Variants in MYLK2 observed in about 807,000 individuals in gnomAD.
MYLK2 encodes the protein myosin light chain kinase 2, skeletal/cardiac muscle.
In MYLK2, 27 loss-of-function variants were observed where a neutral mutation model predicts 58.2. That is an observed-to-expected ratio of 0.46 (90% CI 0.34 to 0.64). MYLK2 has a LOEUF of 0.64. Among genes scored for constraint, MYLK2 ranks in the 30% least tolerant of loss-of-function variants. The probability of loss-of-function intolerance (pLI) is 0.01; values close to 1 mark genes in which losing one functional copy is unlikely to be tolerated. For missense variants in MYLK2, 676 were observed against 764.3 expected, an observed-to-expected ratio of 0.88 and a Z score of 1.36; for synonymous variants, 310 against 296.7, an observed-to-expected ratio of 1.04 and a Z score of -0.46.
intron 8 of MYLK2, chr20:31,827,277 G>A: frequency 1.0e-6 from 1 of 985,390 alleles, no homozygotes; most frequent in Non-Finnish European, 1.2e-6. Context: ...TGTTGCAATA[G>A]CACCTGCCTC....
At chr20:31,832,575 C>A (rs1421859276) in intron 12 of MYLK2, among the ~76,000 whole-genome samples, 2 of 152,210 alleles carry the variant, frequency 1.3e-5, no homozygotes, top group Non-Finnish European at 2.9e-5. Flanking sequence ...CCACTGCAAC[C>A]TCTGCCTCCC....
chr20:31,820,298 C>A lies in MYLK2; in HGVS notation c.225C>A (p.Gly75=). 2 of 1,613,550 alleles carry A rather than the reference C, an allele frequency of 1.2e-6. No homozygotes were observed. The highest frequency in any genetic ancestry group is 1.7e-6 in the Non-Finnish European group (2 of 1,179,934). ...TLAQPSTSSQ[G]PKGEGDRGGG... is the part of the protein sequence containing the mutation. Reference sequence around the variant, plus strand: ...CCCAACCCTCAACTAGCAGCCAAGGCCCCAAAGGAGAGGGTGACAGGGGCG... The same window carrying A: ...CCCAACCCTCAACTAGCAGCCAAGGACCCAAAGGAGAGGGTGACAGGGGCG... The change falls in exon 3 of 13, where the codon GGC becomes GGA. Residue 75 remains glycine, a synonymous_variant. Coordinates refer to ENST00000375985, the MANE Select transcript of MYLK2 (RefSeq NM_033118.4).
chr20:31,821,368 T>C, intron 3 of MYLK2, 71 bp from the exon 4 acceptor site: 1 of 1,591,118 alleles, frequency 6.3e-7, no homozygotes, highest in Non-Finnish European at 8.6e-7. Context: ...CTCTGCAGAT[T>C]GCATTGAGAC....
intron 5 of MYLK2, 65 bp from the exon 6 acceptor site, chr20:31,824,194 C>T: frequency 6.4e-7 from 1 of 1,572,064 alleles, no homozygotes; most frequent in Non-Finnish European, 8.6e-7. Context: ...AGGATCAGAG[C>T]AAAGGATGCC....
chr20:31,827,099 G>A lies in MYLK2; in HGVS notation c.1224+161G>A, dbSNP rs117794930. ...AAAGGGTTTATGGAATACTTACCAAGTGCCAGGAGCCGGGGGCACAGCAAA... is the reference window on the plus strand; with the variant it reads ...AAAGGGTTTATGGAATACTTACCAAATGCCAGGAGCCGGGGGCACAGCAAA... On this transcript the variant is annotated intron_variant, in intron 8 of 12. Coordinates refer to ENST00000375985, the MANE Select transcript of MYLK2 (RefSeq NM_033118.4). The A allele has an allele frequency of 3.5e-3, 3,454 of 981,504 alleles. 7 individuals carry two copies. The highest frequency in any genetic ancestry group is 0.01 in the Middle Eastern group (20 of 1,906). 60.8% of individuals were successfully genotyped at this position (981,504 alleles called of 1,614,324 possible).
intron 5 of MYLK2, 110 bp from the exon 6 acceptor site, chr20:31,824,149 G>A (rs2062266435): frequency 6.5e-7 from 1 of 1,539,266 alleles, no homozygotes; most frequent in South Asian, 1.2e-5. Context: ...TCACCAAAGG[G>A]GATCCAGAGG....
In MYLK2 at chr20:31,826,704, T is replaced by A; in HGVS notation, c.1072T>A (p.Phe358Ile). 6.2e-7 allele frequency: 1 copy of A among 1,613,870 alleles called. No homozygotes were observed. Among genetic ancestry groups the A allele is most frequent in the Non-Finnish European group, 8.5e-7 (1 of 1,179,954 alleles). Residue 358 changes from phenylalanine (F) to isoleucine (I), a missense_variant, in exon 7 of 13, where the codon TTC (phenylalanine) becomes ATC (isoleucine). By Grantham distance (21) the Phe-to-Ile change is conservative. Coordinates refer to ENST00000375985, the MANE Select transcript of MYLK2 (RefSeq NM_033118.4). The part of the protein sequence containing the change: ...AIETPHEIVL[F>I]MEYIEGGELF... ...CGAGACTCCGCATGAGATCGTCCTGTTCATGGAGTAGTGAGTGCCCGAAGT... is the reference window on the plus strand; with the variant it reads ...CGAGACTCCGCATGAGATCGTCCTGATCATGGAGTAGTGAGTGCCCGAAGT...
At chr20:31,827,088 A>T (rs917418367) in intron 8 of MYLK2, 150 bp downstream of exon 8, 26 of 1,477,302 alleles carry the variant, frequency 1.8e-5, no homozygotes, top group Non-Finnish European at 2.2e-5. Context: ...GGTTTATGGA[A>T]TACTTACCAA....
rs111888319 is a variant in MYLK2 at position 31,831,736 on chromosome 20, T to C, written c.1458T>C (p.Asp486=). The change falls in exon 11 of 13, where the codon GAT becomes GAC. Residue 486 remains aspartate, a synonymous_variant. Coordinates refer to ENST00000375985, the MANE Select transcript of MYLK2 (RefSeq NM_033118.4). ...LSGLSPFLGD[D]DTETLNNVLS... ...GCCTCTCCCCCTTCCTGGGAGATGA[T>C]GACACAGAGACCCTAAACAACGTTC... The C allele has an allele frequency of 3.3e-4, 532 of 1,614,078 alleles. 4 individuals carry two copies. The African/African-American group carries it at 6.1e-3, about 18-fold the overall frequency.
Position 31,823,535 on chromosome 20 carries a change from G to C in MYLK2, c.831G>C (p.Gly277=), listed in dbSNP as rs1241162046. The C allele has an allele frequency of 6.2e-7, 1 of 1,613,916 alleles. No homozygotes were observed. Among genetic ancestry groups the C allele is most frequent in the Non-Finnish European group, 8.5e-7 (1 of 1,180,034 alleles). ...ACCGCATGGTGGAGCTGAGGACCGGGAATGTCAGCAGTGAATTCAGTATGA... is the reference window on the plus strand; with the variant it reads ...ACCGCATGGTGGAGCTGAGGACCGGCAATGTCAGCAGTGAATTCAGTATGA... The part of the protein sequence containing the change: ...FPHRMVELRT[G]NVSSEFSMNS... The change falls in exon 5 of 13, where the codon GGG becomes GGC. Residue 277 remains glycine, a synonymous_variant. Transcript: ENST00000375985.
At chr20:31,823,353 C>G in intron 4 of MYLK2, 124 bp from the exon 5 acceptor site, 2 of 825,646 alleles carry the variant, frequency 2.4e-6, no homozygotes, top group East Asian at 2.4e-5. Context: ...CCAGGTGTCC[C>G]CCAGGTATCA....
Position 31,834,010 on chromosome 20 carries a change from G to T in MYLK2, c.*213G>T. ...TCGGAGTGTGGCCTGGATCCATCCT[G>T]CTAGCACCTCCCCAGACAGGGCTCC... On this transcript the variant is annotated 3_prime_UTR_variant, in exon 13 of 13. Coordinates refer to ENST00000375985, the MANE Select transcript of MYLK2 (RefSeq NM_033118.4). 1.7e-6 allele frequency: 1 copy of T among 582,486 alleles called. No homozygotes were observed. Among genetic ancestry groups the T allele is most frequent in the East Asian group, 2.9e-5 (1 of 34,728 alleles). 36.1% of individuals were successfully genotyped at this position (582,486 alleles called of 1,614,324 possible).
intron 6 of MYLK2, among the ~76,000 whole-genome samples, chr20:31,824,872 C>T (rs2062271014): frequency 1.3e-5 from 2 of 152,220 alleles, no homozygotes; most frequent in South Asian, 2.1e-4. Context: ...GTAATAGCAA[C>T]CTCGTGTGAC....
chr20:31,831,415 T>TGCTC, intron 10 of MYLK2, among the ~76,000 whole-genome samples: 1 of 152,066 alleles, frequency 6.6e-6, no homozygotes, highest in East Asian at 1.9e-4. Context: ...GGACATTTCC[T>TGCTC]ATGTGCTCAC....
rs1248326436 is a variant in MYLK2 at position 31,821,553 on chromosome 20, A to C, written c.588A>C (p.Gly196=). ...CCAGGCCAGCCAAGGCAGAAGAAGGAAAGAACATCCTGGCAGAGAGCCAGA... is the reference window on the plus strand; with the variant it reads ...CCAGGCCAGCCAAGGCAGAAGAAGGCAAGAACATCCTGGCAGAGAGCCAGA... The part of the protein sequence containing the change: ...TDPRPAKAEE[G]KNILAESQKE... The change falls in exon 4 of 13, where the codon GGA becomes GGC. Residue 196 remains glycine (G), a synonymous_variant. Transcript: ENST00000375985. 6.2e-7 allele frequency: 1 copy of C among 1,613,988 alleles called. No homozygotes were observed. Among genetic ancestry groups the C allele is most frequent in the African/African-American group, 1.3e-5 (1 of 74,928 alleles).
intron 3 of MYLK2, 26 bp downstream of exon 3, chr20:31,820,572 G>A (rs761063737): frequency 3.1e-6 from 5 of 1,598,380 alleles, no homozygotes; most frequent in Non-Finnish European, 4.2e-6. Context: ...TGGGAGTGGG[G>A]AGGGGTCCTG....
At position 31,820,288 on chromosome 20, in the gene MYLK2, G is replaced by T; in HGVS notation, c.215G>T (p.Ser72Ile). 1 of 1,613,688 alleles carries T rather than the reference G, an allele frequency of 6.2e-7. No homozygotes were observed. The highest frequency in any genetic ancestry group is 2.2e-5 in the East Asian group (1 of 44,880). The change falls in exon 3 of 13, where the codon AGC (serine) becomes ATC (isoleucine). Residue 72 changes from serine to isoleucine, a missense_variant. Physicochemically the swap from Ser to Ile is moderately radical, Grantham distance 142. Coordinates refer to ENST00000375985, the MANE Select transcript of MYLK2 (RefSeq NM_033118.4). ...GGTACCCTGGCCCAACCCTCAACTA[G>T]CAGCCAAGGCCCCAAAGGAGAGGGT... is the stretch of plus-strand genomic sequence containing the variant. ...GDGTLAQPSTSSQGPKGEGDR... is the reference protein window; with the variant it reads ...GDGTLAQPSTISQGPKGEGDR...
chr20:31,830,559 A>T lies in MYLK2; in HGVS notation c.1225-260A>T, dbSNP rs1253272080. ...AACTGCTAGAATGTCGTGTTCTTTC[A>T]TGGCCTTAGATGGAGGGAAATCTCA... On this transcript the variant is annotated intron_variant, in intron 8 of 12. Coordinates refer to ENST00000375985, the MANE Select transcript of MYLK2 (RefSeq NM_033118.4). Among the ~76,000 whole-genome samples, 5 of 152,130 alleles carry T rather than the reference A, an allele frequency of 3.3e-5. No individual in the cohort carries two copies. The East Asian group carries it at 9.6e-4, about 29-fold the overall frequency.
rs776462098 is a variant in MYLK2, at chr20:31,833,841, G to A, written c.*44G>A. ...GCCTGGACGCAGCCACACAGTGGCCGGGGCTGAAGCCACACAGCCCAGAAG... is the reference window on the plus strand; with the variant it reads ...GCCTGGACGCAGCCACACAGTGGCCAGGGCTGAAGCCACACAGCCCAGAAG... On this transcript the variant is annotated 3_prime_UTR_variant, in exon 13 of 13. Transcript: ENST00000375985. 38 of 1,568,732 alleles carry A rather than the reference G, an allele frequency of 2.4e-5. 1 individual carries two copies. Among genetic ancestry groups the A allele is most frequent in the Middle Eastern group, 1.8e-4 (1 of 5,612 alleles).
Sources: gnomAD v4.1 joint callset for allele counts (sites outside exome capture counted in the v4.1 genomes callset) on GRCh38, gnomAD v4.1.1 for gene constraint, MANE v1.5 for transcripts, NCBI Gene and HGNC (gene_info 2026-07-23, HGNC 2026-07-21) for gene names.